The following UBE4B variants were observed in gnomAD, a reference collection of about 807,000 sequenced individuals.
UBE4B encodes ubiquitination factor E4B, also known as ubiquitin conjugation factor E4 B.
Under a neutral mutation model 148.1 loss-of-function variants are expected in UBE4B, and 27 were observed. That is an observed-to-expected ratio of 0.18 (90% CI 0.13 to 0.25). UBE4B has a LOEUF of 0.25. Ranked by LOEUF, UBE4B falls within the 10% of genes least tolerant of loss-of-function variation. The probability of loss-of-function intolerance (pLI) is 1.00; values close to 1 mark genes in which losing one functional copy is unlikely to be tolerated. For missense variants in UBE4B, 1,170 were observed against 1,662.4 expected (o/e 0.70, Z 5.15); for synonymous variants, 596 against 619.3 (o/e 0.96, Z 0.56).
At chr1:10,110,781 C>G (rs1645204428) in intron 7 of UBE4B, among the ~76,000 whole-genome samples, 1 of 151,970 alleles carries the variant, frequency 6.6e-6, no homozygotes, top group Admixed American at 6.6e-5. Context: ...TTGACATTGA[C>G]TCTCCTGTTT....
At chr1:10,171,839 CCACTGCACT>C (rs1307967351) in intron 25 of UBE4B, among the ~76,000 whole-genome samples, 2 of 152,100 alleles carry the variant, frequency 1.3e-5, no homozygotes, top group African/African-American at 4.8e-5. Flanking sequence ...TGAGATTGTG[CCACTGCACT>C]CCAGCCTGGG....
intron 2 of UBE4B, among the ~76,000 whole-genome samples, chr1:10,086,351 A>G (rs1460016687): frequency 2.0e-5 from 3 of 152,040 alleles, no homozygotes; most frequent in Non-Finnish European, 4.4e-5. Context: ...CAGGTGATCC[A>G]CCCGCCTTGG....
At chr1:10,110,135 A>G (rs1464702739) in intron 7 of UBE4B, among the ~76,000 whole-genome samples, 1 of 152,232 alleles carries the variant, frequency 6.6e-6, no homozygotes, top group African/African-American at 2.4e-5. Context: ...GACTAATGTC[A>G]TAGAAGAAAG....
intron 1 of UBE4B, among the ~76,000 whole-genome samples, chr1:10,040,463 C>A (rs973795336): frequency 1.3e-5 from 2 of 152,046 alleles, no homozygotes; most frequent in African/African-American, 4.8e-5. Context: ...GTTGCCCAGG[C>A]TGGTCTCAAA....
chr1:10,033,243 C>T lies in UBE4B; in HGVS notation c.-428C>T, dbSNP rs1643368747. The T allele has an allele frequency of 6.4e-6, 1 of 156,718 alleles. No individual in the cohort carries two copies. Among genetic ancestry groups the T allele is most frequent in the South Asian group, 2.0e-4 (1 of 5,034 alleles). The allele number at this position is 156,718 out of a possible 1,614,324, so 9.7% of individuals were successfully genotyped here. On this transcript the variant is annotated 5_prime_UTR_variant, in exon 1 of 28. Transcript: ENST00000343090. ...GCAGTCGACCAGTTCCCGCCAGGAG[C>T]AAAGGGTAGGAAGGAGAGCAGGATC...
chr1:10,118,967 C>T (rs1645364080), intron 8 of UBE4B, among the ~76,000 whole-genome samples: 1 of 136,888 alleles, frequency 7.3e-6, no homozygotes, highest in South Asian at 2.5e-4. Flanking sequence ...ACTGCAATCT[C>T]TGCCTCCTGG....
intron 5 of UBE4B, among the ~76,000 whole-genome samples, chr1:10,103,397 CTCTTTATTTATT>C (rs953938393): frequency 2.9e-5 from 4 of 137,478 alleles, no homozygotes; most frequent in Middle Eastern, 3.3e-3. Context: ...GCATTACCTC[CTCTTTATTTATT>C]TATTTATTTA....
intron 7 of UBE4B, among the ~76,000 whole-genome samples, chr1:10,110,045 C>T (rs2101901568): frequency 6.6e-6 from 1 of 152,296 alleles, no homozygotes; most frequent in East Asian, 1.9e-4. Context: ...GTACTTTATC[C>T]TTCCCCCTTT....
intron 21 of UBE4B, among the ~76,000 whole-genome samples, chr1:10,154,575 C>T (rs1420609457): frequency 1.3e-5 from 2 of 151,684 alleles, no homozygotes; most frequent in Non-Finnish European, 2.9e-5. Context: ...CAGTGACTCA[C>T]GCCTGTAATC....
intron 2 of UBE4B, among the ~76,000 whole-genome samples, chr1:10,081,572 G>A (rs529074308): frequency 1.2e-3 from 174 of 150,726 alleles, no homozygotes; most frequent in Admixed American, 2.4e-3. Flanking sequence ...CTCCTGGCAC[G>A]TGCCACCATG....
intron 24 of UBE4B, among the ~76,000 whole-genome samples, chr1:10,169,680 G>A (rs1646309416): frequency 6.6e-6 from 1 of 152,204 alleles, no homozygotes; most frequent in Admixed American, 6.5e-5. Context: ...CACCTATTTT[G>A]TACACTTGTT....
intron 1 of UBE4B, among the ~76,000 whole-genome samples, chr1:10,039,882 C>T (rs939800015): frequency 2.6e-5 from 4 of 151,944 alleles, no homozygotes; most frequent in Non-Finnish European, 5.9e-5. Flanking sequence ...TGTATAGGAG[C>T]GAGGCAGTGG....
rs1046858947 is a variant in UBE4B at position 10,081,743 on chromosome 1, C to T, written c.211+9529C>T. ...AGCTGGGATTACAGGCACTGGCCAC[C>T]ACGCCCAATTAATTTTTGTATTTTT... On this transcript the variant is annotated intron_variant, in intron 2 of 27. Transcript: ENST00000343090. 2.6e-5 allele frequency among the ~76,000 whole-genome samples: 4 copies of T among 152,198 alleles called. No individual in the cohort carries two copies. In the South Asian group the frequency reaches 8.3e-4, roughly 31 times the overall value.
chr1:10,048,319 G>A (rs575178068), intron 1 of UBE4B, among the ~76,000 whole-genome samples: 15 of 152,330 alleles, frequency 9.8e-5, no homozygotes, highest in Admixed American at 2.0e-4. Context: ...TATGCTGCCT[G>A]TTCTTTGTCC....
intron 17 of UBE4B, 35 bp downstream of exon 17, chr1:10,137,240 G>GA: frequency 6.2e-7 from 1 of 1,612,110 alleles, no homozygotes; most frequent in Non-Finnish European, 8.5e-7. Context: ...GGGATTGCCT[G>GA]AGTTACCACT....
At chr1:10,177,241 C>T (rs1024146199) in intron 25 of UBE4B, among the ~76,000 whole-genome samples, 34 of 151,704 alleles carry the variant, frequency 2.2e-4, no homozygotes, top group Non-Finnish European at 4.0e-4. Flanking sequence ...AGGTTTAGGC[C>T]GAGCACAGTG....
intron 1 of UBE4B, among the ~76,000 whole-genome samples, chr1:10,041,498 C>A (rs1016964738): frequency 1.3e-5 from 2 of 151,744 alleles, no homozygotes; most frequent in Non-Finnish European, 2.9e-5. Context: ...GCATGCCCAG[C>A]TAATTTTTGT....
chr1:10,104,602 G>A (rs1040657682), intron 5 of UBE4B, among the ~76,000 whole-genome samples: 1 of 152,190 alleles, frequency 6.6e-6, no homozygotes. Context: ...GGATAGATAA[G>A]ACTATTTCTG....
At chr1:10,112,182 G>A (rs1003852927) in intron 7 of UBE4B, among the ~76,000 whole-genome samples, 3 of 152,146 alleles carry the variant, frequency 2.0e-5, no homozygotes, top group African/African-American at 7.2e-5. Flanking sequence ...ATTATGTGAA[G>A]TAATTACTTG....
Sources: gnomAD v4.1 joint callset for allele counts (sites outside exome capture counted in the v4.1 genomes callset) on GRCh38, gnomAD v4.1.1 for gene constraint, MANE v1.5 for transcripts, NCBI Gene and HGNC (gene_info 2026-07-23, HGNC 2026-07-21) for gene names.